Variants in AKAP19 observed in about 807,000 individuals in gnomAD.
AKAP19 encodes A-kinase anchoring protein 19.
the AKAP19 span, among the ~76,000 whole-genome samples, chr2:190,127,057 G>A: frequency 6.6e-6 from 1 of 152,004 alleles, no homozygotes; most frequent in Non-Finnish European, 1.5e-5. Flanking sequence ...ACAAGGTGTA[G>A]CACTGTTAAG....
the AKAP19 span, among the ~76,000 whole-genome samples, chr2:189,974,132 C>A: frequency 4.2e-3 from 631 of 151,996 alleles, 2 homozygotes; most frequent in Non-Finnish European, 6.9e-3. Context: ...TATAAATTTC[C>A]CTCTACACAC....
chr2:189,920,324 G>A, the AKAP19 span, among the ~76,000 whole-genome samples: 2 of 152,062 alleles, frequency 1.3e-5, no homozygotes, highest in Non-Finnish European at 2.9e-5. Context: ...CCATCTCATG[G>A]TCTAGGATGG....
the AKAP19 span, among the ~76,000 whole-genome samples, chr2:189,969,621 T>G: frequency 6.8e-6 from 1 of 146,578 alleles, no homozygotes; most frequent in Non-Finnish European, 1.5e-5. Context: ...TCCCAGCTAC[T>G]GGGGAGGCTG....
At chr2:190,164,092 G>T in the AKAP19 span, 1 of 152,216 alleles carries the variant, frequency 6.6e-6, no homozygotes, top group African/African-American at 2.4e-5. Context: ...TTTTAACTGT[G>T]AGACAGAATC....
the AKAP19 span, among the ~76,000 whole-genome samples, chr2:189,894,953 TTGAG>T: frequency 6.6e-6 from 1 of 151,706 alleles, no homozygotes; most frequent in Non-Finnish European, 1.5e-5. Flanking sequence ...ATATAAAATA[TTGAG>T]TATTAAACAT....
the AKAP19 span, chr2:190,060,258 G>A: frequency 1.5e-4 from 234 of 1,612,984 alleles, no homozygotes; most frequent in Non-Finnish European, 1.9e-4. Context: ...AGTATACCTT[G>A]TACCGTCTTT....
chr2:190,195,776 ATTTC>A, the AKAP19 span, among the ~76,000 whole-genome samples: 4 of 152,166 alleles, frequency 2.6e-5, no homozygotes, highest in East Asian at 5.8e-4. Context: ...CTTATCAATT[ATTTC>A]TTTAACACAT....
the AKAP19 span, among the ~76,000 whole-genome samples, chr2:189,918,937 T>TC: frequency 6.6e-6 from 1 of 152,118 alleles, no homozygotes; most frequent in Admixed American, 6.6e-5. Context: ...TTTACCATAG[T>TC]CCCCCCTTAT....
chr2:190,199,992 C>T, the AKAP19 span: 1 of 1,614,020 alleles, frequency 6.2e-7, no homozygotes, highest in South Asian at 1.1e-5. Context: ...CAGTTAATGT[C>T]AAAGAGGAAG....
At chr2:190,007,737 G>A in the AKAP19 span, among the ~76,000 whole-genome samples, 7 of 152,158 alleles carry the variant, frequency 4.6e-5, no homozygotes, top group African/African-American at 1.7e-4. Context: ...GAGGTGGGTG[G>A]ATTGCCTGAG....
the AKAP19 span, among the ~76,000 whole-genome samples, chr2:189,956,177 C>CTTTTTTTTTTTTTTTTTTTT: frequency 8.1e-6 from 1 of 122,952 alleles, no homozygotes; most frequent in African/African-American, 3.1e-5. Context: ...TCTTTTTTTT[C>CTTTTTTTTTTTTTTTTTTTT]TTTTTTTTTT....
chr2:189,900,197 C>T, the AKAP19 span, among the ~76,000 whole-genome samples: 1 of 151,852 alleles, frequency 6.6e-6, no homozygotes. Flanking sequence ...TAATTATAAA[C>T]AATTGTTTAT....
At chr2:189,987,521 C>T in the AKAP19 span, among the ~76,000 whole-genome samples, 5 of 152,310 alleles carry the variant, frequency 3.3e-5, no homozygotes, top group South Asian at 1.0e-3. Flanking sequence ...CCCAAATCTG[C>T]CTTAGCAAAG....
At chr2:190,140,808 A>G in the AKAP19 span, among the ~76,000 whole-genome samples, 1 of 152,178 alleles carries the variant, frequency 6.6e-6, no homozygotes, top group Non-Finnish European at 1.5e-5. Context: ...TTACCTATGC[A>G]AATTTCTGCA....
the AKAP19 span, among the ~76,000 whole-genome samples, chr2:190,152,355 C>T: frequency 2.0e-5 from 3 of 152,094 alleles, no homozygotes; most frequent in Admixed American, 6.6e-5. Flanking sequence ...TTCAACTTGC[C>T]ACTCCATTTC....
the AKAP19 span, among the ~76,000 whole-genome samples, chr2:190,144,481 A>G: frequency 6.6e-6 from 1 of 152,188 alleles, no homozygotes; most frequent in Non-Finnish European, 1.5e-5. Context: ...AAAATATGTT[A>G]AAAAACACAT....
chr2:189,963,199 CTTT>C, the AKAP19 span, among the ~76,000 whole-genome samples: 1 of 136,864 alleles, frequency 7.3e-6, no homozygotes, highest in Non-Finnish European at 1.5e-5. Flanking sequence ...CTTCACTTCT[CTTT>C]TTTTTTTTTG....
the AKAP19 span, among the ~76,000 whole-genome samples, chr2:190,120,362 T>TGG: frequency 5.8e-3 from 878 of 151,774 alleles, 6 homozygotes; most frequent in Non-Finnish European, 0.01. Context: ...CCAAAAAAGC[T>TGG]GGGGGGGGCC....
At chr2:190,122,514 G>C in the AKAP19 span, among the ~76,000 whole-genome samples, 1 of 152,174 alleles carries the variant, frequency 6.6e-6, no homozygotes, top group Non-Finnish European at 1.5e-5. Flanking sequence ...CTTTAGGGCA[G>C]ACTTCTGTTT....
Sources: allele counts gnomAD v4.1 joint callset (sites outside exome capture counted in the v4.1 genomes callset), GRCh38; gene constraint gnomAD v4.1.1; transcripts MANE v1.5; gene names NCBI Gene and HGNC (gene_info 2026-07-23, HGNC 2026-07-21).